KIF18A: variants seen among roughly 807,000 people sequenced by gnomAD.
KIF18A encodes kinesin family member 18A, also known as kinesin-like protein KIF18A.
Under a neutral mutation model 103.3 loss-of-function variants are expected in KIF18A, and 67 were observed. The ratio of observed to expected loss-of-function variants is 0.65; its 90% CI spans 0.53 to 0.79. The LOEUF is 0.79. Among genes scored for constraint, KIF18A ranks in the 30% least tolerant of loss-of-function variants. The pLI is 0.00. For synonymous variants in KIF18A, 367 were observed against 355.5 expected (o/e 1.03, Z -0.36); for missense variants, 1,032 against 1,062.5 (o/e 0.97, Z 0.40).
intron 13 of KIF18A, among the ~76,000 whole-genome samples, chr11:28,039,033 G>A (rs1850527748): frequency 6.6e-6 from 1 of 151,566 alleles, no homozygotes; most frequent in African/African-American, 2.4e-5. Flanking sequence ...TTGGGAGTCA[G>A]GAGACTTGGA....
At chr11:28,074,632 T>A (rs182385514) in intron 10 of KIF18A, among the ~76,000 whole-genome samples, 29 of 152,276 alleles carry the variant, frequency 1.9e-4, no homozygotes, top group Admixed American at 1.4e-3. Flanking sequence ...GTACAGCGTA[T>A]CTTTCCCATT....
intron 1 of KIF18A, among the ~76,000 whole-genome samples, chr11:28,102,153 T>C (rs2133569694): frequency 6.6e-6 from 1 of 152,274 alleles, no homozygotes; most frequent in Non-Finnish European, 1.5e-5. Context: ...ATCCAGTAGA[T>C]AATCAACTAA....
intron 14 of KIF18A, among the ~76,000 whole-genome samples, 158 bp downstream of exon 14, chr11:28,036,059 G>A (rs910079734): frequency 6.6e-6 from 1 of 151,192 alleles, no homozygotes; most frequent in Non-Finnish European, 1.5e-5. Context: ...TTTTGTTAGT[G>A]AATTAATATT....
intron 1 of KIF18A, among the ~76,000 whole-genome samples, chr11:28,105,239 A>G (rs1198475152): frequency 6.6e-6 from 1 of 152,156 alleles, no homozygotes. Context: ...ATACAGAGAA[A>G]TTAACTGGCT....
rs1475736221 is a variant in KIF18A at position 28,021,192 on chromosome 11, G to A, written c.*8C>T. 3.3e-6 allele frequency: 5 copies of A among 1,495,652 alleles called. No individual in the cohort carries two copies. Among genetic ancestry groups the A allele is most frequent in the Non-Finnish European group, 4.5e-6 (5 of 1,119,630 alleles). The allele number at this position is 1,495,652 out of a possible 1,614,324, so 92.6% of individuals were successfully genotyped here. On this transcript the variant is annotated 3_prime_UTR_variant, in exon 17 of 17. Transcript: ENST00000263181. ...GATCAACTTCATTTTGCTTGGTTTT[G>A]AAGTGATTTATCTTAGATTTCCTTT...
chr11:28,034,053 A>G (rs900378443), intron 15 of KIF18A, among the ~76,000 whole-genome samples: 3 of 151,706 alleles, frequency 2.0e-5, no homozygotes, highest in Non-Finnish European at 4.4e-5. Context: ...GCTGTATGTA[A>G]TCTGCTGAAT....
Position 28,043,684 on chromosome 11 carries a change from AC to A in KIF18A, c.1949-7021del, listed in dbSNP as rs1850592144. Among the ~76,000 whole-genome samples the A allele has an allele frequency of 0.025, 4 of 158 alleles. No individual in the cohort carries two copies. In the South Asian group the frequency reaches 0.5, roughly 20 times the overall value. 0.1% of individuals were successfully genotyped at this position (158 alleles called of 152,430 possible). On this transcript the variant is annotated intron_variant, in intron 13 of 16. Coordinates refer to ENST00000263181, the MANE Select transcript of KIF18A (RefSeq NM_031217.4). Reference sequence around the variant, plus strand: ...ACAGTATGATCCCAATTTTGACAAAACAAAAACAAAAACAAAAACAAAAACC... The same window carrying A: ...ACAGTATGATCCCAATTTTGACAAAAAAAAACAAAAACAAAAACAAAAACC...
At chr11:28,106,177 C>T (rs1295903715) in intron 1 of KIF18A, among the ~76,000 whole-genome samples, 4 of 152,332 alleles carry the variant, frequency 2.6e-5, no homozygotes, top group Admixed American at 2.6e-4. Context: ...AATGACTTCT[C>T]ACCAGAAGAA....
At chr11:28,046,259 C>A (rs890739946) in intron 13 of KIF18A, among the ~76,000 whole-genome samples, 2 of 150,052 alleles carry the variant, frequency 1.3e-5, no homozygotes, top group Admixed American at 6.7e-5. Context: ...ATGTTTATTG[C>A]GGCACTATTC....
In KIF18A at chr11:28,069,326, T is replaced by G; in HGVS notation, c.1523A>C (p.Asn508Thr). 6.2e-7 allele frequency: 1 copy of G among 1,613,524 alleles called. No individual in the cohort carries two copies. The highest frequency in any genetic ancestry group is 1.3e-5 in the African/African-American group (1 of 75,004). The change falls in exon 11 of 17, where the codon AAT (asparagine) becomes ACT (threonine). Residue 508 changes from asparagine (N) to threonine (T), a missense_variant. Asn to Thr is a moderately conservative substitution (Grantham distance 65). Transcript: ENST00000263181. ...REEELKQFDE[N>T]TNWLHRVEKE... is the part of the protein sequence containing the mutation. ...TTCGACACGATGGAGCCAATTAGTA[T>G]TCTCATCAAATTGCTTCAATTCCTC...
At chr11:28,090,521 CA>C (rs1349084764) in intron 5 of KIF18A, 95 bp downstream of exon 5, 2 of 732,434 alleles carry the variant, frequency 2.7e-6, no homozygotes, top group African/African-American at 3.6e-5. Flanking sequence ...AGTCTACAGA[CA>C]GATTTTTTTC....
intron 15 of KIF18A, among the ~76,000 whole-genome samples, chr11:28,027,891 T>A (rs1349739715): frequency 1.3e-5 from 2 of 151,750 alleles, no homozygotes; most frequent in African/African-American, 4.8e-5. Context: ...CAAGGACACA[T>A]CAAAACAAGA....
At chr11:28,084,551 C>A in intron 7 of KIF18A, 81 bp downstream of exon 7, 1 of 1,184,324 alleles carries the variant, frequency 8.4e-7, no homozygotes, top group South Asian at 1.6e-5. Context: ...GAAACATAAC[C>A]TGAATTAATA....
chr11:28,029,567 A>T (rs1426183606), intron 15 of KIF18A, among the ~76,000 whole-genome samples: 1 of 152,182 alleles, frequency 6.6e-6, no homozygotes, highest in African/African-American at 2.4e-5. Flanking sequence ...ACCCACAGCC[A>T]ATATCATACT....
In KIF18A at chr11:28,084,674, G is replaced by A. The variant is rs764679572; in HGVS notation, c.1032C>T (p.Asn344=). The change falls in exon 7 of 17, where the codon AAC becomes AAT. Residue 344 remains asparagine, a synonymous_variant. Transcript: ENST00000263181. ...TTGCCCGGTTAGCATACTTAAGAGTGTTATATGTGTCATCGTAGAATACAG... is the reference window on the plus strand; with the variant it reads ...TTGCCCGGTTAGCATACTTAAGAGTATTATATGTGTCATCGTAGAATACAG... ...PSSVFYDDTY[N]TLKYANRAKD... 1.2e-6 allele frequency: 2 copies of A among 1,612,760 alleles called. No individual in the cohort carries two copies.
intron 15 of KIF18A, among the ~76,000 whole-genome samples, chr11:28,030,645 C>T (rs1204673967): frequency 6.6e-6 from 1 of 151,832 alleles, no homozygotes; most frequent in Non-Finnish European, 1.5e-5. Flanking sequence ...TCTAAAACAC[C>T]AAAAGCAATG....
intron 13 of KIF18A, among the ~76,000 whole-genome samples, chr11:28,043,455 C>T (rs759446481): frequency 1.3e-5 from 2 of 151,930 alleles, no homozygotes; most frequent in Non-Finnish European, 2.9e-5. Flanking sequence ...AACTGGCATA[C>T]AAACTCAGAC....
intron 15 of KIF18A, among the ~76,000 whole-genome samples, chr11:28,025,708 A>C (rs1172740054): frequency 6.6e-6 from 1 of 152,028 alleles, no homozygotes; most frequent in Non-Finnish European, 1.5e-5. Flanking sequence ...GTCATAAACT[A>C]CAAAGACTTA....
intron 13 of KIF18A, among the ~76,000 whole-genome samples, chr11:28,042,563 T>A (rs778116826): frequency 6.6e-5 from 10 of 151,954 alleles, no homozygotes; most frequent in African/African-American, 2.4e-4. Flanking sequence ...TTGTAATGAA[T>A]GAGTTTTGAT....
Sources: allele counts gnomAD v4.1 joint callset (sites outside exome capture counted in the v4.1 genomes callset), GRCh38; gene constraint gnomAD v4.1.1; transcripts MANE v1.5; gene names NCBI Gene and HGNC (gene_info 2026-07-23, HGNC 2026-07-21).